The following AP3S2 variants were observed in gnomAD, a reference collection of about 807,000 sequenced individuals.
AP3S2 encodes AP-3 complex subunit sigma-2.
In AP3S2, 22 loss-of-function variants were observed where a neutral mutation model predicts 23.4. The observed-to-expected ratio is 0.94, with a 90% CI of 0.67 to 1.34. The LOEUF (loss-of-function observed/expected upper bound fraction) is 1.34. Among genes scored for constraint, AP3S2 ranks in the 40% most tolerant of loss-of-function variants. AP3S2 has a pLI of 0.00. For synonymous variants in AP3S2, 86 were observed against 87.1 expected (o/e 0.99, Z 0.07); for missense variants, 241 against 236.9 (o/e 1.02, Z -0.11).
At chr15:89,844,509 C>CTT (rs1254718547) in intron 4 of AP3S2, among the ~76,000 whole-genome samples, 3 of 145,618 alleles carry the variant, frequency 2.1e-5, no homozygotes, top group Non-Finnish European at 3.0e-5. Flanking sequence ...AGCTTTTTTT[C>CTT]TTTTTTTTTT....
At chr15:89,838,018 G>A in intron 4 of AP3S2, 1 of 343,738 alleles carries the variant, frequency 2.9e-6, no homozygotes. Flanking sequence ...GGGTGGCCCT[G>A]GGCAAATGAC....
intron 2 of AP3S2, 119 bp downstream of exon 2, chr15:89,888,930 T>G: frequency 6.0e-6 from 7 of 1,166,810 alleles, no homozygotes; most frequent in Non-Finnish European, 8.7e-6. Flanking sequence ...CAGATCATGG[T>G]GAGACCAGCT....
intron 4 of AP3S2, among the ~76,000 whole-genome samples, chr15:89,855,945 T>A (rs1303768498): frequency 8.9e-6 from 1 of 111,950 alleles, no homozygotes; most frequent in African/African-American, 3.4e-5. Context: ...ATATGTCCTT[T>A]AAAAAAAAAA....
intron 4 of AP3S2, among the ~76,000 whole-genome samples, chr15:89,843,935 T>C (rs1170542427): frequency 2.0e-5 from 3 of 152,194 alleles, no homozygotes; most frequent in Non-Finnish European, 4.4e-5. Context: ...CAATACTATA[T>C]GCTTTGATGA....
At position 89,844,422 on chromosome 15, in the gene AP3S2, T is replaced by C. The variant is rs369669644; in HGVS notation, c.346-6700A>G. On this transcript the variant is annotated intron_variant, in intron 4 of 5. Transcript: ENST00000336418. The stretch of plus-strand genomic sequence containing the variant: ...CCATGATAATAGCTCACTGCAGCCT[T>C]GAACTCCTGGGCTCCAGCAATCCTC... Among the ~76,000 whole-genome samples, 10 of 151,520 alleles carry C rather than the reference T, an allele frequency of 6.6e-5. 1 individual carries two copies. The South Asian group carries it at 2.1e-3, about 32-fold the overall frequency.
chr15:89,866,353 C>T (rs1035642911), intron 4 of AP3S2, among the ~76,000 whole-genome samples: 10 of 152,010 alleles, frequency 6.6e-5, no homozygotes, highest in Admixed American at 5.9e-4. Context: ...GGAGGCTACC[C>T]CTTCTCCCAG....
At chr15:89,876,238 G>A (rs1412339257) in intron 3 of AP3S2, among the ~76,000 whole-genome samples, 1 of 152,014 alleles carries the variant, frequency 6.6e-6, no homozygotes, top group Non-Finnish European at 1.5e-5. Context: ...GGCCAACATG[G>A]CAAAACCCTG....
chr15:89,877,467 A>AT (rs1280936010), intron 3 of AP3S2: 1 of 1,097,938 alleles, frequency 9.1e-7, no homozygotes, highest in Non-Finnish European at 1.2e-6. Flanking sequence ...CATCATAGCC[A>AT]TTTTTTAAGT....
In AP3S2 at chr15:89,884,611, T is replaced by C. The variant is rs1896649834; in HGVS notation, c.273+3910A>G. The stretch of plus-strand genomic sequence containing the variant: ...AGATTTTACTTAGTAAGTAATTTTG[T>C]ACCAGTACTAATACGCAATATTTGA... On this transcript the variant is annotated intron_variant, in intron 3 of 5. Transcript: ENST00000336418. Among the ~76,000 whole-genome samples the C allele has an allele frequency of 2.6e-5, 4 of 151,694 alleles. No individual in the cohort carries two copies. The South Asian group carries it at 8.3e-4, about 31-fold the overall frequency.
chr15:89,859,762 C>CTTTTTT (rs34836617), intron 4 of AP3S2, among the ~76,000 whole-genome samples: 1 of 117,328 alleles, frequency 8.5e-6, no homozygotes, highest in African/African-American at 3.3e-5. Flanking sequence ...TATTGCTGAT[C>CTTTTTT]TTTTTTTTTT....
chr15:89,845,432 GA>G (rs1895463206), intron 4 of AP3S2: 1 of 152,214 alleles, frequency 6.6e-6, no homozygotes, highest in African/African-American at 2.4e-5. Flanking sequence ...AGTTGACCAT[GA>G]AAGATGGCTA....
chr15:89,840,309 T>A (rs1318078124), intron 4 of AP3S2, among the ~76,000 whole-genome samples: 1 of 152,224 alleles, frequency 6.6e-6, no homozygotes, highest in Non-Finnish European at 1.5e-5. Flanking sequence ...AGCCAATCCC[T>A]GTGTGGGTAG....
chr15:89,878,280 G>T (rs1382025292), intron 3 of AP3S2: 1 of 661,174 alleles, frequency 1.5e-6, no homozygotes, highest in South Asian at 1.7e-5. Flanking sequence ...GAGCTATGAA[G>T]AAAACAACTT....
intron 4 of AP3S2, among the ~76,000 whole-genome samples, chr15:89,855,749 C>A (rs1323494566): frequency 7.0e-6 from 1 of 142,214 alleles, no homozygotes; most frequent in South Asian, 2.3e-4. Context: ...ACTTGGGAGG[C>A]TGAGGCAGGA....
chr15:89,841,893 T>C (rs987501584), intron 4 of AP3S2, among the ~76,000 whole-genome samples: 2 of 151,958 alleles, frequency 1.3e-5, no homozygotes, highest in Non-Finnish European at 2.9e-5. Context: ...GAAAACCAAA[T>C]GGCAGACTAA....
rs887171664 is a variant in AP3S2, at chr15:89,831,507, C to A, written c.*4008G>T. The A allele has an allele frequency of 1.3e-5, 2 of 152,274 alleles. No individual in the cohort carries two copies. Among genetic ancestry groups the A allele is most frequent in the African/African-American group, 4.8e-5 (2 of 41,466 alleles). The allele number at this position is 152,274 out of a possible 1,614,324, so 9.4% of individuals were successfully genotyped here. On this transcript the variant is annotated 3_prime_UTR_variant, in exon 6 of 6. Transcript: ENST00000336418. The stretch of plus-strand genomic sequence containing the variant: ...CTAGCCCCTACTACCGATCTTAATA[C>A]CCATGTACCAATCATTGCTGCATCC...
At chr15:89,844,207 TTCTCTTTCTTTCTTTCTTTCTTTCTTTC>T (rs1895408952) in intron 4 of AP3S2, among the ~76,000 whole-genome samples, 1 of 128,656 alleles carries the variant, frequency 7.8e-6, no homozygotes, top group Non-Finnish European at 1.8e-5. Context: ...CTTTCTTTCT[TTCTCTTTCTTTCTTTCTTTCTTTCTTTC>T]TTTCTTTCTT....
rs1235609075 is a variant in AP3S2 at position 89,853,990 on chromosome 15, C to T, written c.346-16268G>A. The stretch of plus-strand genomic sequence containing the variant: ...CTGGGAAGTGAGGAGCGTCTCCGCC[C>T]GGCAGCCACCCCGTCCGGGAGGGAC... On this transcript the variant is annotated intron_variant, in intron 4 of 5. Transcript: ENST00000336418. Among the ~76,000 whole-genome samples the T allele has an allele frequency of 4.0e-5, 2 of 49,386 alleles. 1 individual carries two copies. Among genetic ancestry groups the T allele is most frequent in the Non-Finnish European group, 8.4e-5 (2 of 23,894 alleles). The allele number at this position is 49,386 out of a possible 152,430, so 32.4% of individuals were successfully genotyped here. A position where few individuals can be genotyped will look rare whatever the true frequency, so the allele number is the denominator to read the frequency against.
chr15:89,858,483 GAAAGAAAGAA>G (rs1356739497), intron 4 of AP3S2, among the ~76,000 whole-genome samples: 3,976 of 40,630 alleles, frequency 0.098, 183 homozygotes, highest in African/African-American at 0.23. Context: ...AAGAAAGAAA[GAAAGAAAGAA>G]AGAGAGAGAG....
Sources: gnomAD v4.1 joint callset for allele counts (sites outside exome capture counted in the v4.1 genomes callset) on GRCh38, gnomAD v4.1.1 for gene constraint, MANE v1.5 for transcripts, NCBI Gene and HGNC (gene_info 2026-07-23, HGNC 2026-07-21) for gene names.